The following MCTP1 variants were observed in gnomAD, a reference collection of about 807,000 sequenced individuals.
MCTP1 encodes the protein multiple C2 and transmembrane domain containing 1, also known as multiple C2 and transmembrane domain-containing protein 1.
MCTP1 carries 69 observed loss-of-function variants against 120.6 expected under a neutral mutation model. The ratio of observed to expected loss-of-function variants is 0.57; its 90% CI spans 0.47 to 0.70. The LOEUF is 0.70. MCTP1 is among the 30% of genes least tolerant of loss of function. The pLI is 0.00. For synonymous variants in MCTP1, 529 were observed against 493.1 expected (o/e 1.07, Z -0.96); for missense variants, 1,203 against 1,248.8 (o/e 0.96, Z 0.55).
intron 1 of MCTP1, among the ~76,000 whole-genome samples, chr5:95,146,540 A>G (rs1049261187): frequency 1.4e-4 from 21 of 152,184 alleles, no homozygotes; most frequent in Non-Finnish European, 2.8e-4. Flanking sequence ...CTTTCCTCTC[A>G]ATATGCTTTA....
intron 19 of MCTP1, among the ~76,000 whole-genome samples, chr5:94,716,721 AC>A (rs1358236760): frequency 2.6e-5 from 4 of 151,962 alleles, no homozygotes; most frequent in African/African-American, 9.7e-5. Context: ...CCTAGGTAAA[AC>A]CTCAGCAGGA....
intron 1 of MCTP1, among the ~76,000 whole-genome samples, chr5:95,161,801 A>G (rs1249625815): frequency 2.0e-5 from 3 of 152,194 alleles, no homozygotes; most frequent in Non-Finnish European, 4.4e-5. Context: ...AGAAAATGAC[A>G]AAAGAAGTCG....
intron 1 of MCTP1, among the ~76,000 whole-genome samples, chr5:95,041,311 G>GA (rs58379749): frequency 0.052 from 4,644 of 89,668 alleles, 98 homozygotes; most frequent in Admixed American, 0.063. Context: ...CCCATGCTCT[G>GA]AAAAAAAAAA....
intron 19 of MCTP1, among the ~76,000 whole-genome samples, chr5:94,716,117 G>C (rs1449539502): frequency 1.3e-5 from 2 of 152,188 alleles, no homozygotes; most frequent in African/African-American, 2.4e-5. Flanking sequence ...GGTACACTGG[G>C]ACCAAGGACA....
At chr5:94,754,007 C>T (rs1018736037) in intron 19 of MCTP1, among the ~76,000 whole-genome samples, 3 of 152,074 alleles carry the variant, frequency 2.0e-5, no homozygotes, top group Admixed American at 6.6e-5. Context: ...AGAGAGAAAT[C>T]GCTCTTAGAT....
intron 1 of MCTP1, among the ~76,000 whole-genome samples, chr5:95,042,988 T>C (rs985948079): frequency 2.0e-5 from 3 of 152,112 alleles, no homozygotes; most frequent in African/African-American, 7.2e-5. Flanking sequence ...CATTTCTGTA[T>C]CTAATGAGTA....
chr5:94,777,610 G>A (rs913979839), intron 19 of MCTP1, among the ~76,000 whole-genome samples: 42 of 152,202 alleles, frequency 2.8e-4, no homozygotes, highest in African/African-American at 9.9e-4. Context: ...AGAGAAAACG[G>A]CCATAAATGG....
intron 1 of MCTP1, among the ~76,000 whole-genome samples, chr5:95,161,507 G>A (rs1745741515): frequency 6.6e-6 from 1 of 152,066 alleles, no homozygotes; most frequent in South Asian, 2.1e-4. Flanking sequence ...CGAGAAATAA[G>A]CTTCAGTGAT....
At chr5:95,105,084 AT>A (rs1211922001) in intron 1 of MCTP1, among the ~76,000 whole-genome samples, 27 of 152,170 alleles carry the variant, frequency 1.8e-4, no homozygotes. Flanking sequence ...AGCATGCTGT[AT>A]ATATTTTGTG....
At chr5:95,119,990 G>T (rs926405406) in intron 1 of MCTP1, among the ~76,000 whole-genome samples, 4 of 151,838 alleles carry the variant, frequency 2.6e-5, no homozygotes, top group Non-Finnish European at 5.9e-5. Context: ...GGCTAGTATG[G>T]TGAAACCTCG....
At chr5:95,074,640 C>G (rs1753100624) in intron 1 of MCTP1, among the ~76,000 whole-genome samples, 1 of 152,086 alleles carries the variant, frequency 6.6e-6, no homozygotes, top group Admixed American at 6.5e-5. Flanking sequence ...TGTGTGATTA[C>G]AAGTATATGT....
At chr5:94,808,937 T>C (rs1782901124) in intron 17 of MCTP1, among the ~76,000 whole-genome samples, 1 of 152,210 alleles carries the variant, frequency 6.6e-6, no homozygotes, top group South Asian at 2.1e-4. Context: ...AAATGTATGC[T>C]GGGTTTTTGA....
intron 1 of MCTP1, among the ~76,000 whole-genome samples, chr5:95,261,321 G>A (rs752024813): frequency 2.1e-4 from 32 of 152,058 alleles, no homozygotes; most frequent in Non-Finnish European, 3.4e-4. Context: ...AGTATGCAGT[G>A]GGCGCTTTAT....
chr5:95,147,352 C>T (rs569492039), intron 1 of MCTP1, among the ~76,000 whole-genome samples: 139 of 152,314 alleles, frequency 9.1e-4, no homozygotes, highest in African/African-American at 3.2e-3. Flanking sequence ...TCCCAAAGTG[C>T]TGGGATTACA....
intron 6 of MCTP1, chr5:94,929,566 A>T (rs1379025099): frequency 4.3e-6 from 3 of 703,212 alleles, no homozygotes; most frequent in Non-Finnish European, 5.2e-6. Flanking sequence ...TTAGAAAATG[A>T]TGCATTTTCA....
At chr5:94,714,282 G>A (rs1400177936) in intron 20 of MCTP1, among the ~76,000 whole-genome samples, 1 of 151,906 alleles carries the variant, frequency 6.6e-6, no homozygotes, top group Non-Finnish European at 1.5e-5. Flanking sequence ...TGATAATTAT[G>A]GATCTCAGCT....
At chr5:94,916,130 T>C (rs1429001352) in intron 8 of MCTP1, among the ~76,000 whole-genome samples, 5 of 152,236 alleles carry the variant, frequency 3.3e-5, no homozygotes, top group Admixed American at 2.0e-4. Flanking sequence ...CATAATTCAA[T>C]TGTAGATTTT....
intron 2 of MCTP1, among the ~76,000 whole-genome samples, chr5:94,968,624 ACT>A (rs1423268234): frequency 6.6e-6 from 1 of 152,200 alleles, no homozygotes; most frequent in African/African-American, 2.4e-5. Context: ...GGTTCGAAAG[ACT>A]CAAAAAAATC....
intron 1 of MCTP1, among the ~76,000 whole-genome samples, chr5:95,138,237 C>CCCA (rs1554213184): frequency 6.7e-6 from 1 of 150,318 alleles, no homozygotes; most frequent in African/African-American, 2.4e-5. Flanking sequence ...GATGCAACCC[C>CCCA]CCCCCGACAT....
Sources: gnomAD v4.1 joint callset for allele counts (sites outside exome capture counted in the v4.1 genomes callset) on GRCh38, gnomAD v4.1.1 for gene constraint, MANE v1.5 for transcripts, NCBI Gene and HGNC (gene_info 2026-07-23, HGNC 2026-07-21) for gene names.